CELF4: variants seen among roughly 807,000 people sequenced by gnomAD.
CELF4 encodes CUG-BP- and ETR-3-like factor 4.
A neutral mutation model predicts 59.9 loss-of-function variants in CELF4; 18 were observed. The observed-to-expected ratio is 0.30, with a 90% CI of 0.21 to 0.45. CELF4 has a LOEUF of 0.45. Ranked by LOEUF, CELF4 falls within the 20% of genes least tolerant of loss-of-function variation. The probability of loss-of-function intolerance (pLI) is 1.00; values close to 1 mark genes in which losing one functional copy is unlikely to be tolerated. For missense variants in CELF4, 456 were observed against 689.0 expected (o/e 0.66, Z 3.79); for synonymous variants, 261 against 267.1 (o/e 0.98, Z 0.22).
chr18:37,344,603 AG>A lies in CELF4; in HGVS notation c.370-22723del, dbSNP rs1469110034. Among the ~76,000 whole-genome samples, 10 of 152,362 alleles carry A rather than the reference AG, an allele frequency of 6.6e-5. No individual in the cohort carries two copies. The South Asian group carries it at 2.1e-3, about 32-fold the overall frequency. On this transcript the variant is annotated intron_variant, in intron 2 of 12. Coordinates refer to ENST00000420428, the MANE Select transcript of CELF4 (RefSeq NM_020180.4). Reference sequence around the variant, plus strand: ...GAAAGGCTCTGGTGTGAGCCATGAAAGCTTGTTCCCTTGGAGTTAAAAGGAG... The same window carrying A: ...GAAAGGCTCTGGTGTGAGCCATGAAACTTGTTCCCTTGGAGTTAAAAGGAG...
chr18:37,486,649 G>A (rs906446926), intron 1 of CELF4, among the ~76,000 whole-genome samples: 2 of 152,232 alleles, frequency 1.3e-5, no homozygotes, highest in African/African-American at 4.8e-5. Flanking sequence ...CACTATGGCG[G>A]AAGCAGGCTT....
chr18:37,272,269 T>C (rs1371377055), intron 7 of CELF4, among the ~76,000 whole-genome samples: 4 of 152,100 alleles, frequency 2.6e-5, no homozygotes, highest in African/African-American at 7.2e-5. Flanking sequence ...TCCTGTGCAC[T>C]GTAGGATCAT....
intron 2 of CELF4, among the ~76,000 whole-genome samples, chr18:37,357,255 A>G (rs981893228): frequency 3.3e-5 from 5 of 152,148 alleles, no homozygotes; most frequent in Non-Finnish European, 7.4e-5. Context: ...GGAGGATGAT[A>G]TGGTTTGGCT....
intron 2 of CELF4, among the ~76,000 whole-genome samples, chr18:37,398,780 G>A (rs1039800167): frequency 6.6e-5 from 10 of 152,126 alleles, no homozygotes; most frequent in African/African-American, 2.4e-4. Context: ...GCGATCACTC[G>A]AGATCGCACC....
At chr18:37,410,943 A>T (rs1330254550) in intron 2 of CELF4, among the ~76,000 whole-genome samples, 1 of 152,138 alleles carries the variant, frequency 6.6e-6, no homozygotes, top group African/African-American at 2.4e-5. Flanking sequence ...GAGAGGCACT[A>T]CTTCCCAAAG....
At chr18:37,262,864 G>A (rs2075599154) in intron 10 of CELF4, among the ~76,000 whole-genome samples, 2 of 152,298 alleles carry the variant, frequency 1.3e-5, no homozygotes, top group South Asian at 4.1e-4. Context: ...CACTTCACCA[G>A]TGGTAGCCCA....
chr18:37,547,160 G>GTGGTGTGTGTGTGT (rs61235122), intron 1 of CELF4, among the ~76,000 whole-genome samples: 1 of 144,170 alleles, frequency 6.9e-6, no homozygotes, highest in Admixed American at 7.0e-5. Context: ...GTGTGTGTGT[G>GTGGTGTGTGTGTGT]GTGTGTGTGT....
chr18:37,518,212 G>A (rs556006738), intron 1 of CELF4, among the ~76,000 whole-genome samples: 1 of 152,306 alleles, frequency 6.6e-6, no homozygotes, highest in Non-Finnish European at 1.5e-5. Flanking sequence ...CTGGCTGGCA[G>A]GCAGGCTGGT....
At chr18:37,420,395 T>C (rs2099570706) in intron 2 of CELF4, among the ~76,000 whole-genome samples, 1 of 152,110 alleles carries the variant, frequency 6.6e-6, no homozygotes, top group Non-Finnish European at 1.5e-5. Flanking sequence ...GTGAATGAAA[T>C]AGTGTGGCGT....
At chr18:37,273,755 G>A in intron 6 of CELF4, 1 of 988,680 alleles carries the variant, frequency 1.0e-6, no homozygotes, top group Non-Finnish European at 1.2e-6. Flanking sequence ...ACCCACATGG[G>A]AGCTGTGGTT....
intron 2 of CELF4, among the ~76,000 whole-genome samples, chr18:37,388,084 G>A (rs989141245): frequency 6.6e-5 from 10 of 152,206 alleles, no homozygotes; most frequent in Middle Eastern, 3.4e-3. Context: ...ACTGTACAGC[G>A]CAGTGTGATT....
intron 3 of CELF4, among the ~76,000 whole-genome samples, chr18:37,294,111 C>T (rs2095503425): frequency 6.6e-6 from 1 of 152,186 alleles, no homozygotes. Flanking sequence ...ATCTGTACTT[C>T]CACTGTGGCA....
At chr18:37,274,983 A>G (rs972342410) in intron 4 of CELF4, 99 bp from the exon 5 acceptor site, 8 of 1,538,122 alleles carry the variant, frequency 5.2e-6, no homozygotes, top group Middle Eastern at 1.7e-4. Context: ...CGGGTGAGGC[A>G]GAGATTGAGA....
chr18:37,407,949 T>C (rs1383601161), intron 2 of CELF4, among the ~76,000 whole-genome samples: 1 of 152,156 alleles, frequency 6.6e-6, no homozygotes, highest in Non-Finnish European at 1.5e-5. Flanking sequence ...AGAATATTTT[T>C]ACATTGATTT....
chr18:37,285,616 G>C (rs1330162110), intron 3 of CELF4, among the ~76,000 whole-genome samples: 1 of 152,210 alleles, frequency 6.6e-6, no homozygotes, highest in Non-Finnish European at 1.5e-5. Context: ...TGAATCAGGA[G>C]AAGCTGAGCC....
At chr18:37,470,836 CTGTG>C (rs71381583) in intron 2 of CELF4, among the ~76,000 whole-genome samples, 2,627 of 92,994 alleles carry the variant, frequency 0.028, 83 homozygotes, top group African/African-American at 0.059. Context: ...CTTCATGACT[CTGTG>C]TGTGTGTGTG....
chr18:37,254,635 C>T lies in CELF4; in HGVS notation c.1334-697G>A, dbSNP rs2068017829. Reference sequence around the variant, plus strand: ...TCTTCTCCACGCCCTGCGCCGTGGACTAAGCACGCACCAGCTGATATGTCC... The same window carrying T: ...TCTTCTCCACGCCCTGCGCCGTGGATTAAGCACGCACCAGCTGATATGTCC... On this transcript the variant is annotated intron_variant, in intron 11 of 12. Coordinates refer to ENST00000420428, the MANE Select transcript of CELF4 (RefSeq NM_020180.4). The surrounding 1 kb of genome is among the most constrained non-coding windows in gnomAD (Gnocchi z 5.1). Among the ~76,000 whole-genome samples the T allele has an allele frequency of 6.6e-6, 1 of 152,360 alleles. No homozygotes were observed. The highest frequency in any genetic ancestry group is 2.4e-5 in the African/African-American group (1 of 41,596).
rs556855928 is a variant in CELF4 at position 37,437,090 on chromosome 18, G to T, written c.369+48435C>A. ...TTGTCAGGCAGCTGGCAGAGTGGCT[G>T]CATGCAGCATAGCTGGGGGCCAGGC... On this transcript the variant is annotated intron_variant, in intron 2 of 12. Transcript: ENST00000420428. Among the ~76,000 whole-genome samples, 3 of 152,216 alleles carry T rather than the reference G, an allele frequency of 2.0e-5. No individual in the cohort carries two copies. In the East Asian group the frequency reaches 5.8e-4, roughly 29 times the overall value.
At chr18:37,313,640 C>T (rs753066964) in intron 3 of CELF4, among the ~76,000 whole-genome samples, 13 of 152,208 alleles carry the variant, frequency 8.5e-5, no homozygotes, top group East Asian at 1.9e-4. Flanking sequence ...CACCCAGGCC[C>T]GCACTCCACA....
Sources: allele counts gnomAD v4.1 joint callset (sites outside exome capture counted in the v4.1 genomes callset), GRCh38; gene constraint gnomAD v4.1.1; non-coding constraint Gnocchi (gnomAD v3.1); transcripts MANE v1.5; gene names NCBI Gene and HGNC (gene_info 2026-07-23, HGNC 2026-07-21).